PRKCB: variants seen among roughly 807,000 people sequenced by gnomAD.
PRKCB encodes protein kinase C beta type.
PRKCB carries 13 observed loss-of-function variants against 81.5 expected under a neutral mutation model. The observed-to-expected ratio is 0.16, with a 90% CI of 0.10 to 0.25. The LOEUF (loss-of-function observed/expected upper bound fraction) is 0.25. Among genes scored for constraint, PRKCB ranks in the 10% least tolerant of loss-of-function variants. PRKCB has a pLI of 1.00. For missense variants in PRKCB, 509 were observed against 875.7 expected (o/e 0.58, Z 5.29); for synonymous variants, 335 against 321.4 (o/e 1.04, Z -0.45).
chr16:24,008,718 A>G (rs1474070605), intron 3 of PRKCB, among the ~76,000 whole-genome samples: 1 of 152,140 alleles, frequency 6.6e-6, no homozygotes, highest in Non-Finnish European at 1.5e-5. Flanking sequence ...GTAACATGAA[A>G]TCTATCCTCT....
At chr16:24,063,042 T>C (rs1221288948) in intron 5 of PRKCB, among the ~76,000 whole-genome samples, 2 of 152,082 alleles carry the variant, frequency 1.3e-5, no homozygotes, top group African/African-American at 4.8e-5. Flanking sequence ...CTCTTGGCTG[T>C]GTGTCCAGCA....
rs34133029 is a variant in PRKCB at position 24,140,808 on chromosome 16, C to T, written c.1066-13876C>T. Among the ~76,000 whole-genome samples, 741 of 152,200 alleles carry T rather than the reference C, an allele frequency of 4.9e-3. 5 individuals are homozygous for T. The highest frequency in any genetic ancestry group is 6.2e-3 in the Non-Finnish European group (420 of 68,004). On this transcript the variant is annotated intron_variant, in intron 9 of 16. Coordinates refer to ENST00000643927, the MANE Select transcript of PRKCB (RefSeq NM_002738.7). ...TAATCCTTTATGTCTACACCTTAGC[C>T]GAATTCAGGCTCCTTTCATCCTCCT...
chr16:24,070,294 A>G lies in PRKCB; in HGVS notation c.530-22497A>G, dbSNP rs144483156. ...CTCCCAAGTAGCTGGGATTACAGGC[A>G]TGTGCCATCACTCTTGGCTAATCTT... On this transcript the variant is annotated intron_variant, in intron 5 of 16. Transcript: ENST00000643927. 2.8e-3 allele frequency among the ~76,000 whole-genome samples: 431 copies of G among 152,168 alleles called. 4 individuals are homozygous for G. Among genetic ancestry groups the G allele is most frequent in the Middle Eastern group, 0.024 (7 of 294 alleles).
chr16:24,031,181 C>G lies in PRKCB; in HGVS notation c.289-955C>G, dbSNP rs1469359021. ...CCACTGCACTGCACTGCCAGGCTAT[C>G]AAGGGCATATTTATTGATTAGGAAA... On this transcript the variant is annotated intron_variant, in intron 3 of 16. Coordinates refer to ENST00000643927, the MANE Select transcript of PRKCB (RefSeq NM_002738.7). 2.0e-5 allele frequency among the ~76,000 whole-genome samples: 3 copies of G among 152,228 alleles called. No individual in the cohort carries two copies. The East Asian group carries it at 5.8e-4, about 29-fold the overall frequency.
chr16:24,056,976 C>T (rs1443136126), intron 5 of PRKCB, among the ~76,000 whole-genome samples: 1 of 152,222 alleles, frequency 6.6e-6, no homozygotes, highest in Non-Finnish European at 1.5e-5. Context: ...GCCCTTACCC[C>T]AAGAGCAGAT....
chr16:24,003,598 T>G (rs1226585637), intron 3 of PRKCB, among the ~76,000 whole-genome samples: 1 of 152,176 alleles, frequency 6.6e-6, no homozygotes, highest in Non-Finnish European at 1.5e-5. Flanking sequence ...TTGGCCAGGC[T>G]GGTCTCGAAC....
chr16:24,159,703 T>G (rs1441147809), intron 10 of PRKCB, among the ~76,000 whole-genome samples: 2 of 152,124 alleles, frequency 1.3e-5, no homozygotes, highest in African/African-American at 4.8e-5. Context: ...TAGAATATTT[T>G]CACTTTACAG....
chr16:23,863,215 C>CATACGTATATATGTGTATATAT (rs1962710037), intron 2 of PRKCB, among the ~76,000 whole-genome samples: 5 of 58,070 alleles, frequency 8.6e-5, no homozygotes, highest in Admixed American at 4.5e-4. Flanking sequence ...TGTATATATA[C>CATACGTATATATGTGTATATAT]ATACATATAT....
At chr16:24,071,080 GC>G (rs1313340531) in intron 5 of PRKCB, among the ~76,000 whole-genome samples, 3 of 152,194 alleles carry the variant, frequency 2.0e-5, no homozygotes, top group East Asian at 1.9e-4. Flanking sequence ...GGAGCTCAAA[GC>G]CCCCCTCCAC....
At chr16:23,881,024 G>A (rs1284729960) in intron 2 of PRKCB, among the ~76,000 whole-genome samples, 1 of 152,072 alleles carries the variant, frequency 6.6e-6, no homozygotes, top group East Asian at 1.9e-4. Context: ...TACAAGCAGT[G>A]CTCTGATGAA....
intron 2 of PRKCB, among the ~76,000 whole-genome samples, chr16:23,863,307 C>T (rs531151233): frequency 4.0e-5 from 6 of 149,732 alleles, no homozygotes; most frequent in Non-Finnish European, 5.9e-5. Flanking sequence ...CTAGGGTGGA[C>T]GTGCTCCTTC....
At chr16:24,203,975 T>C (rs1968004244) in intron 16 of PRKCB, among the ~76,000 whole-genome samples, 1 of 151,956 alleles carries the variant, frequency 6.6e-6, no homozygotes, top group Non-Finnish European at 1.5e-5. Context: ...ATGTCTAAAG[T>C]AGCACTGGCA....
intron 2 of PRKCB, among the ~76,000 whole-genome samples, chr16:23,854,041 C>T (rs7192685): frequency 0.11 from 16,528 of 148,312 alleles, 2,096 homozygotes; most frequent in African/African-American, 0.3. Context: ...CATCAGATCT[C>T]GTGAGACTTA....
intron 12 of PRKCB, 99 bp downstream of exon 12, chr16:24,174,679 G>A (rs368463057): frequency 2.7e-6 from 3 of 1,116,536 alleles, no homozygotes; most frequent in Non-Finnish European, 4.0e-6. Flanking sequence ...AATCCGCGGT[G>A]GGGGAGGAAT....
intron 11 of PRKCB, 164 bp from the exon 12 acceptor site, chr16:24,174,354 T>A: frequency 1.6e-6 from 1 of 631,136 alleles, no homozygotes; most frequent in South Asian, 2.2e-5. Context: ...AAACCACCCT[T>A]TGAATCCATC....
At chr16:24,193,045 G>A (rs981086444) in intron 16 of PRKCB, among the ~76,000 whole-genome samples, 8 of 151,852 alleles carry the variant, frequency 5.3e-5, no homozygotes, top group Non-Finnish European at 4.4e-5. Context: ...CTGCAACCTC[G>A]ACCTCCAGGG....
chr16:23,903,099 G>A (rs1027229504), intron 2 of PRKCB, among the ~76,000 whole-genome samples: 16 of 149,724 alleles, frequency 1.1e-4, no homozygotes, highest in Non-Finnish European at 7.4e-5. Context: ...CCCAAGTTCT[G>A]GGATTACAGG....
At chr16:23,903,127 A>G (rs1005879) in intron 2 of PRKCB, among the ~76,000 whole-genome samples, 146,209 of 151,584 alleles carry the variant, frequency 0.96, 70,553 homozygotes, top group East Asian at 1. Context: ...TGCCACGCCC[A>G]GCCTACTTAT....
chr16:24,011,943 C>G (rs1965207985), intron 3 of PRKCB, among the ~76,000 whole-genome samples: 1 of 152,204 alleles, frequency 6.6e-6, no homozygotes, highest in South Asian at 2.1e-4. Context: ...GAAATGTTTG[C>G]TTGACCCAGA....
Sources: allele counts gnomAD v4.1 joint callset (sites outside exome capture counted in the v4.1 genomes callset), GRCh38; gene constraint gnomAD v4.1.1; transcripts MANE v1.5; gene names NCBI Gene and HGNC (gene_info 2026-07-23, HGNC 2026-07-21).